Variants in GPR19 observed in about 807,000 individuals in gnomAD.
GPR19 encodes the protein probable G protein-coupled receptor 19.
GPR19 carries 14 observed loss-of-function variants against 28.5 expected under a neutral mutation model. The ratio of observed to expected loss-of-function variants is 0.49; its 90% CI spans 0.32 to 0.77. The LOEUF (loss-of-function observed/expected upper bound fraction) is 0.77. Among genes scored for constraint, GPR19 ranks in the 30% least tolerant of loss-of-function variants. The pLI is 0.03. For synonymous variants in GPR19, 173 were observed against 184.1 expected (o/e 0.94, Z 0.49); for missense variants, 409 against 504.1 (o/e 0.81, Z 1.81).
chr12:12,707,813 GC>G, the GPR19 span, among the ~76,000 whole-genome samples: 5 of 151,290 alleles, frequency 3.3e-5, no homozygotes, highest in East Asian at 2.0e-4. Flanking sequence ...CAAACTCCTG[GC>G]CTCAAGCGAT....
chr12:12,712,087 C>T, the GPR19 span, among the ~76,000 whole-genome samples: 1 of 152,230 alleles, frequency 6.6e-6, no homozygotes, highest in Non-Finnish European at 1.5e-5. Context: ...CCTCCCCACT[C>T]ACAGTCAAGG....
At position 12,689,267 on chromosome 12, in the gene GPR19, G is replaced by T. The variant is rs117787978; in HGVS notation, c.-179-4760C>A. Among the ~76,000 whole-genome samples the T allele has an allele frequency of 2.3e-3, 348 of 152,188 alleles. 3 individuals are homozygous for T. Among genetic ancestry groups the T allele is most frequent in the African/African-American group, 8.1e-3 (335 of 41,512 alleles). On this transcript the variant is annotated intron_variant, in intron 2 of 3. Transcript: ENST00000651487. ...CCCACCAGGCCCCACGTCCAATACC[G>T]GGTATTACAATTCAACATGATATTT... is the stretch of plus-strand genomic sequence containing the variant.
chr12:12,690,840 T>TA (rs1304500176), intron 2 of GPR19, among the ~76,000 whole-genome samples: 12 of 152,258 alleles, frequency 7.9e-5, no homozygotes, highest in African/African-American at 2.7e-4. Flanking sequence ...GTTCCCATAC[T>TA]ATCTTCTCAG....
chr12:12,707,646 A>G, the GPR19 span, among the ~76,000 whole-genome samples: 2 of 152,248 alleles, frequency 1.3e-5, no homozygotes, highest in Admixed American at 6.5e-5. Flanking sequence ...TGTCTTCTCA[A>G]TGTAAAAAAT....
the GPR19 span, among the ~76,000 whole-genome samples, chr12:12,710,533 A>T: frequency 6.6e-6 from 1 of 151,920 alleles, no homozygotes; most frequent in Admixed American, 6.6e-5. Flanking sequence ...TGTCTCCAGT[A>T]TTGTCTCTTT....
intron 3 of GPR19, among the ~76,000 whole-genome samples, chr12:12,665,819 C>CAAAAAAAAAAAA (rs528302150): frequency 8.1e-4 from 61 of 75,728 alleles, no homozygotes; most frequent in East Asian, 2.0e-3. Context: ...GACTCCGTCT[C>CAAAAAAAAAAAA]AAAAAAAAAA....
intron 3 of GPR19, among the ~76,000 whole-genome samples, chr12:12,678,145 C>T (rs903094892): frequency 6.7e-6 from 1 of 148,166 alleles, no homozygotes; most frequent in Admixed American, 6.7e-5. Flanking sequence ...AGAGACACAT[C>T]ACAAATGTGT....
At chr12:12,696,359 T>A (rs1266067081), upstream of GPR19, among the ~76,000 whole-genome samples, 1 of 76,608 alleles carries the variant, frequency 1.3e-5, no homozygotes, top group African/African-American at 4.8e-5. Context: ...TTTTTTTTTT[T>A]TTTTTTTTTT....
Position 12,661,613 on chromosome 12 carries a change from AG to A in GPR19, c.835del (p.Leu279SerfsTer3). 1 of 1,614,094 alleles carries A rather than the reference AG, an allele frequency of 6.2e-7. No individual in the cohort carries two copies. Among genetic ancestry groups the A allele is most frequent in the South Asian group, 1.1e-5 (1 of 91,076 alleles). On this transcript the variant is annotated frameshift_variant, in exon 4 of 4. Transcript: ENST00000651487. LOFTEE classifies it high-confidence loss of function. The surrounding 1 kb of genome is among the most constrained non-coding windows in gnomAD (Gnocchi z 4.2). ...RTKVKTIKMF[L>X]ILNLLFLLSW... ...GAGCAAAAACAACAGATTTAAAATG[AG>A]GAACATCTTGATAGTTTTCACTTTT... is the stretch of plus-strand genomic sequence containing the variant.
At chr12:12,699,978 C>CT (rs10716814), upstream of GPR19, among the ~76,000 whole-genome samples, 91 of 119,444 alleles carry the variant, frequency 7.6e-4, no homozygotes, top group Non-Finnish European at 8.6e-4. Context: ...AGCTTTCTTT[C>CT]TTTTTTTTTT....
At position 12,661,396 on chromosome 12, in the gene GPR19, T is replaced by C. The variant is rs3825268; in HGVS notation, c.1053A>G (p.Lys351=). The change falls in exon 4 of 4, where the codon AAA becomes AAG. Residue 351 remains lysine, a synonymous_variant. Transcript: ENST00000651487. The surrounding 1 kb of genome is among the most constrained non-coding windows in gnomAD (Gnocchi z 4.2). The part of the protein sequence containing the change: ...MKETFCMSSM[K]CYRSNAYTIT... ...TAGTATAGGCATTGCTTCGGTAACA[T>C]TTCATAGAGGACATGCAAAAAGTCT... The C allele has an allele frequency of 0.011, 18,280 of 1,613,632 alleles. 1,465 individuals are homozygous for C. The African/African-American group carries it at 0.19, about 17-fold the overall frequency.
chr12:12,706,340 G>C, the GPR19 span, among the ~76,000 whole-genome samples: 1 of 151,912 alleles, frequency 6.6e-6, no homozygotes, highest in Non-Finnish European at 1.5e-5. Flanking sequence ...CTCTACTAAG[G>C]GCTTTTTCCC....
At chr12:12,714,260 T>G in the GPR19 span, among the ~76,000 whole-genome samples, 1 of 152,168 alleles carries the variant, frequency 6.6e-6, no homozygotes, top group African/African-American at 2.4e-5. Context: ...TGCTGCCTCA[T>G]TATAAACATC....
chr12:12,713,462 C>T, the GPR19 span, among the ~76,000 whole-genome samples: 1 of 152,160 alleles, frequency 6.6e-6, no homozygotes, highest in African/African-American at 2.4e-5. Flanking sequence ...ACCTCAGAGA[C>T]ACTTCATTTG....
chr12:12,708,719 G>C, the GPR19 span, among the ~76,000 whole-genome samples: 3 of 152,200 alleles, frequency 2.0e-5, no homozygotes, highest in African/African-American at 7.2e-5. Context: ...GGTCTTATGA[G>C]GATCAAATGT....
intron 3 of GPR19, among the ~76,000 whole-genome samples, chr12:12,673,872 G>A (rs7965458): frequency 2.0e-5 from 3 of 151,726 alleles, no homozygotes; most frequent in Admixed American, 6.6e-5. Context: ...ACCCCCTCAC[G>A]CACATTTATG....
At chr12:12,692,726 C>T (rs1946203853) in intron 2 of GPR19, among the ~76,000 whole-genome samples, 1 of 151,196 alleles carries the variant, frequency 6.6e-6, no homozygotes, top group Non-Finnish European at 1.5e-5. Context: ...TCCAACTGGG[C>T]TTAAGCCCCT....
intron 3 of GPR19, among the ~76,000 whole-genome samples, chr12:12,677,455 A>T (rs976821925): frequency 6.6e-6 from 1 of 151,860 alleles, no homozygotes; most frequent in Non-Finnish European, 1.5e-5. Flanking sequence ...TTATTTGAGA[A>T]TTTTCAATTC....
the GPR19 span, among the ~76,000 whole-genome samples, chr12:12,702,710 C>G: frequency 1.3e-5 from 2 of 152,182 alleles, no homozygotes; most frequent in African/African-American, 2.4e-5. Context: ...TCTAAAACAT[C>G]ATAGTCACAT....
Sources: allele counts gnomAD v4.1 joint callset (sites outside exome capture counted in the v4.1 genomes callset), GRCh38; gene constraint gnomAD v4.1.1; non-coding constraint Gnocchi (gnomAD v3.1); transcripts MANE v1.5; gene names NCBI Gene and HGNC (gene_info 2026-07-23, HGNC 2026-07-21).